The following PARVB variants were observed in gnomAD, a reference collection of about 807,000 sequenced individuals.
The protein encoded by PARVB is parvin beta, also known as beta-parvin.
Under a neutral mutation model 47.0 loss-of-function variants are expected in PARVB, and 46 were observed. That is an observed-to-expected ratio of 0.98 (90% CI 0.77 to 1.25). The LOEUF (loss-of-function observed/expected upper bound fraction) is 1.25, where lower values mean the gene tolerates loss of function less well. Ranked by LOEUF, PARVB falls within the 50% of genes most tolerant of loss-of-function variation. The probability of loss-of-function intolerance (pLI) is 0.00; values close to 1 mark genes in which losing one functional copy is unlikely to be tolerated. For synonymous variants in PARVB, 196 were observed against 196.3 expected (o/e 1.00, Z 0.01); for missense variants, 473 against 471.6 (o/e 1.00, Z -0.03).
chr22:44,022,782 T>C, upstream of PARVB, among the ~76,000 whole-genome samples: 1 of 151,880 alleles, frequency 6.6e-6, no homozygotes, highest in East Asian at 1.9e-4. Flanking sequence ...AGTCTCGCTC[T>C]GTCACCCAGG....
chr22:44,077,709 G>C (rs756039368), intron 1 of PARVB, among the ~76,000 whole-genome samples: 1 of 152,112 alleles, frequency 6.6e-6, no homozygotes, highest in Non-Finnish European at 1.5e-5. Flanking sequence ...TTAAACCTTA[G>C]CAATGATATT....
At chr22:44,120,669 CTTTTTTATTTGT>C (rs1184418064) in intron 4 of PARVB, among the ~76,000 whole-genome samples, 1 of 152,072 alleles carries the variant, frequency 6.6e-6, no homozygotes, top group Non-Finnish European at 1.5e-5. Context: ...AAAAAAACCA[CTTTTTTATTTGT>C]TCTATTTTGG....
At chr22:44,083,308 C>A (rs1479571679) in intron 1 of PARVB, among the ~76,000 whole-genome samples, 1 of 152,180 alleles carries the variant, frequency 6.6e-6, no homozygotes, top group Admixed American at 6.5e-5. Flanking sequence ...TTCATTCATT[C>A]ATTCATTCCA....
intron 1 of PARVB, among the ~76,000 whole-genome samples, chr22:44,060,334 A>G (rs982035298): frequency 3.3e-4 from 50 of 152,048 alleles, no homozygotes; most frequent in Non-Finnish European, 1.5e-5. Context: ...AAAAGAAAAG[A>G]ATTTCATGGT....
At chr22:44,044,870 A>T (rs1282003914) in intron 1 of PARVB, among the ~76,000 whole-genome samples, 1 of 152,212 alleles carries the variant, frequency 6.6e-6, no homozygotes, top group Non-Finnish European at 1.5e-5. Context: ...TCAAGCATAC[A>T]TTTACCTATA....
intron 2 of PARVB, among the ~76,000 whole-genome samples, chr22:44,017,635 C>T (rs2050597469): frequency 6.6e-6 from 1 of 152,148 alleles, no homozygotes; most frequent in Non-Finnish European, 1.5e-5. Flanking sequence ...TCTGTGTGTT[C>T]ACTGGCAAGC....
At chr22:44,131,410 G>A in intron 4 of PARVB, 77 bp from the exon 5 acceptor site, 2 of 1,519,672 alleles carry the variant, frequency 1.3e-6, no homozygotes, top group South Asian at 1.2e-5. Context: ...TCAAACTGCT[G>A]GGATTACAGG....
intron 1 of PARVB, among the ~76,000 whole-genome samples, chr22:44,059,736 C>T (rs775090139): frequency 5.3e-5 from 8 of 152,078 alleles, no homozygotes; most frequent in Non-Finnish European, 7.4e-5. Context: ...AGAAAGATGC[C>T]GTACACATTT....
At chr22:44,053,524 C>T (rs2051250335) in intron 1 of PARVB, among the ~76,000 whole-genome samples, 1 of 152,218 alleles carries the variant, frequency 6.6e-6, no homozygotes, top group East Asian at 1.9e-4. Context: ...CCCAGACTCA[C>T]AGCAACACAA....
At chr22:44,134,726 G>A (rs76164476) in intron 6 of PARVB, among the ~76,000 whole-genome samples, 3,384 of 152,280 alleles carry the variant, frequency 0.022, 116 homozygotes, top group African/African-American at 0.073. Flanking sequence ...GGAATGGTTG[G>A]TGTAAGGGAT....
At chr22:44,137,751 A>G (rs2053467793) in intron 7 of PARVB, among the ~76,000 whole-genome samples, 1 of 152,094 alleles carries the variant, frequency 6.6e-6, no homozygotes, top group South Asian at 2.1e-4. Flanking sequence ...AGTGCTGGGC[A>G]TCTTCCCAGG....
chr22:44,137,707 G>A (rs1232372906), intron 7 of PARVB, among the ~76,000 whole-genome samples: 1 of 152,118 alleles, frequency 6.6e-6, no homozygotes, highest in African/African-American at 2.4e-5. Context: ...CTGGTGGTTG[G>A]TGTTGGCCTC....
intron 6 of PARVB, among the ~76,000 whole-genome samples, chr22:44,133,933 C>T (rs1420755821): frequency 6.6e-6 from 1 of 152,248 alleles, no homozygotes; most frequent in African/African-American, 2.4e-5. Context: ...ATTCTCTAAG[C>T]ACTCAGCATA....
intron 3 of PARVB, among the ~76,000 whole-genome samples, chr22:44,100,809 A>G (rs909051071): frequency 4.6e-5 from 7 of 152,094 alleles, no homozygotes; most frequent in Non-Finnish European, 1.0e-4. Context: ...TTGAGAGAGA[A>G]TCCCCTGAAG....
chr22:44,117,496 G>A (rs575430449), intron 3 of PARVB, among the ~76,000 whole-genome samples: 39 of 152,286 alleles, frequency 2.6e-4, no homozygotes, highest in African/African-American at 9.1e-4. Flanking sequence ...GAGAGAGCCC[G>A]GGGTGGAAGC....
At chr22:44,006,140 T>A (rs974769164) in intron 2 of PARVB, among the ~76,000 whole-genome samples, 3 of 152,196 alleles carry the variant, frequency 2.0e-5, no homozygotes, top group Non-Finnish European at 4.4e-5. Flanking sequence ...AGGCAGGGTC[T>A]TGCTATGTTT....
intron 1 of PARVB, among the ~76,000 whole-genome samples, chr22:44,042,408 G>A (rs1246645127): frequency 1.3e-5 from 2 of 152,164 alleles, no homozygotes; most frequent in Non-Finnish European, 2.9e-5. Flanking sequence ...GTGACAGAGC[G>A]AGACTCCGAA....
rs550990602 is a variant in PARVB, at chr22:44,045,041, C to A, written c.112+20590C>A. ...ATTGCTTGAGCCCGGTGGTTTGAGA[C>A]CAGCCTGGTCAACATAGCAAGACCC... On this transcript the variant is annotated intron_variant, in intron 1 of 12. Coordinates refer to ENST00000338758, the MANE Select transcript of PARVB (RefSeq NM_013327.5). Among the ~76,000 whole-genome samples the A allele has an allele frequency of 2.6e-5, 4 of 152,138 alleles. No individual in the cohort carries two copies. In the East Asian group the frequency reaches 7.7e-4, roughly 29 times the overall value.
At chr22:44,034,407 G>A (rs889629560) in intron 1 of PARVB, among the ~76,000 whole-genome samples, 1 of 151,620 alleles carries the variant, frequency 6.6e-6, no homozygotes, top group Admixed American at 6.6e-5. Context: ...TTTGAGATGG[G>A]GGTCTTGCTG....
Sources: gnomAD v4.1 joint callset for allele counts (sites outside exome capture counted in the v4.1 genomes callset) on GRCh38, gnomAD v4.1.1 for gene constraint, MANE v1.5 for transcripts, NCBI Gene and HGNC (gene_info 2026-07-23, HGNC 2026-07-21) for gene names.